The following LMBRD1 variants were observed in gnomAD, a reference collection of about 807,000 sequenced individuals.
LMBRD1 encodes the protein lysosomal cobalamin transport escort protein LMBD1.
LMBRD1 carries 64 observed loss-of-function variants against 74.8 expected under a neutral mutation model. The observed-to-expected ratio is 0.86, with a 90% CI of 0.70 to 1.05. LMBRD1 has a LOEUF of 1.05. Among genes scored for constraint, LMBRD1 ranks in the 50% least tolerant of loss-of-function variants. The pLI is 0.00. For synonymous variants in LMBRD1, 204 were observed against 216.3 expected (o/e 0.94, Z 0.50); for missense variants, 652 against 645.9 (o/e 1.01, Z -0.10).
intron 14 of LMBRD1, among the ~76,000 whole-genome samples, chr6:69,687,241 A>G (rs1765782038): frequency 6.6e-6 from 1 of 152,168 alleles, no homozygotes; most frequent in South Asian, 2.1e-4. Flanking sequence ...CTTTAAAGTC[A>G]TGTCACCTTC....
Position 69,757,038 on chromosome 6 carries a change from A to G in LMBRD1, c.308-4682T>C, listed in dbSNP as rs142388274. ...ATAATGATGTTGAGAGAAATATTAT[A>G]TGCAGTGATCAAAAACTGGAAATGA... On this transcript the variant is annotated intron_variant, in intron 3 of 15. Transcript: ENST00000649934. Among the ~76,000 whole-genome samples the G allele has an allele frequency of 4.7e-3, 723 of 152,332 alleles. 8 individuals carry two copies. The highest frequency in any genetic ancestry group is 0.017 in the Middle Eastern group (5 of 294).
chr6:69,790,654 T>C (rs1357670508), intron 1 of LMBRD1, 182 bp from the exon 2 acceptor site: 4 of 628,708 alleles, frequency 6.4e-6, no homozygotes, highest in Non-Finnish European at 1.1e-5. Flanking sequence ...GCCTACTTCA[T>C]GAATGCAGTA....
At chr6:69,746,580 T>A (rs749940651) in intron 5 of LMBRD1, 1 of 152,884 alleles carries the variant, frequency 6.5e-6, no homozygotes, top group Middle Eastern at 3.4e-3. Context: ...GTGGACCTGA[T>A]GTGCCATCTG....
chr6:69,795,899 G>C (rs1476560774), intron 1 of LMBRD1, among the ~76,000 whole-genome samples: 4 of 152,160 alleles, frequency 2.6e-5, no homozygotes, highest in Admixed American at 2.6e-4. Flanking sequence ...CTGATTTCCA[G>C]AACTGGAGGT....
chr6:69,769,732 T>A (rs1765540156), intron 3 of LMBRD1, among the ~76,000 whole-genome samples: 1 of 116,306 alleles, frequency 8.6e-6, no homozygotes, highest in Non-Finnish European at 1.7e-5. Context: ...TTTTTAACGA[T>A]TTTTTTAGTG....
intron 7 of LMBRD1, among the ~76,000 whole-genome samples, chr6:69,720,923 C>T (rs1198432619): frequency 6.6e-6 from 1 of 152,162 alleles, no homozygotes; most frequent in Non-Finnish European, 1.5e-5. Context: ...AATCTTTTCG[C>T]TTTCAGGAGG....
rs558481645 is a variant in LMBRD1, at chr6:69,715,243, G to A, written c.763-1446C>T. ...AATTTCCCCTAAAATTTCCATTATC[G>A]TATCAAAAGGATACTACAAATGAGG... On this transcript the variant is annotated intron_variant, in intron 8 of 15. Transcript: ENST00000649934. Among the ~76,000 whole-genome samples, 4 of 151,956 alleles carry A rather than the reference G, an allele frequency of 2.6e-5. No homozygotes were observed. In the East Asian group the frequency reaches 5.8e-4, roughly 22 times the overall value.
intron 3 of LMBRD1, among the ~76,000 whole-genome samples, chr6:69,754,258 T>C (rs933030929): frequency 1.3e-5 from 2 of 151,282 alleles, no homozygotes; most frequent in African/African-American, 4.9e-5. Context: ...TACCACTGAA[T>C]AGTACACTTG....
chr6:69,732,423 C>A (rs1314013413), intron 7 of LMBRD1, among the ~76,000 whole-genome samples: 1 of 152,070 alleles, frequency 6.6e-6, no homozygotes, highest in Admixed American at 6.6e-5. Flanking sequence ...TCACCAGACA[C>A]CAGACACCTT....
At chr6:69,697,904 A>G (rs1033906288) in intron 13 of LMBRD1, among the ~76,000 whole-genome samples, 1 of 152,122 alleles carries the variant, frequency 6.6e-6, no homozygotes, top group African/African-American at 2.4e-5. Flanking sequence ...TTTTTAATAC[A>G]AAGTATAGCA....
Position 69,705,543 on chromosome 6 carries a change from T to C in LMBRD1, c.916-3590A>G, listed in dbSNP as rs57751010. The C allele has an allele frequency of 0.032, 41,266 of 1,288,600 alleles. 4,534 individuals are homozygous for C. The African/African-American group carries it at 0.35, about 11-fold the overall frequency. The allele number at this position is 1,288,600 out of a possible 1,614,324, so 79.8% of individuals were successfully genotyped here. On this transcript the variant is annotated intron_variant, in intron 9 of 15. Transcript: ENST00000649934. ...TGATGATGGTTTTGAGTCTTTTCCATTCTGATTTGGCTTTTGTGCATTTTT... is the reference window on the plus strand; with the variant it reads ...TGATGATGGTTTTGAGTCTTTTCCACTCTGATTTGGCTTTTGTGCATTTTT...
chr6:69,700,307 T>C (rs978460303), intron 12 of LMBRD1, among the ~76,000 whole-genome samples: 4 of 151,868 alleles, frequency 2.6e-5, no homozygotes, highest in Non-Finnish European at 5.9e-5. Context: ...AATGATATGG[T>C]AATCTTTACT....
intron 2 of LMBRD1, among the ~76,000 whole-genome samples, chr6:69,787,474 G>C (rs1765979329): frequency 6.6e-6 from 1 of 152,174 alleles, no homozygotes; most frequent in Non-Finnish European, 1.5e-5. Flanking sequence ...GCCAGTCACA[G>C]GGGCTCATGG....
At chr6:69,740,015 A>G (rs948654782) in intron 6 of LMBRD1, among the ~76,000 whole-genome samples, 6 of 152,196 alleles carry the variant, frequency 3.9e-5, no homozygotes, top group Non-Finnish European at 8.8e-5. Flanking sequence ...CTGAGGCAAG[A>G]GAATCGCTTG....
intron 3 of LMBRD1, among the ~76,000 whole-genome samples, chr6:69,770,006 G>A (rs866356305): frequency 9.9e-5 from 15 of 152,082 alleles, no homozygotes; most frequent in Non-Finnish European, 1.8e-4. Context: ...TCCTACACAC[G>A]TGTAGAGCCT....
chr6:69,795,059 T>C (rs1401939317), intron 1 of LMBRD1, among the ~76,000 whole-genome samples: 5 of 152,198 alleles, frequency 3.3e-5, no homozygotes, highest in Non-Finnish European at 7.3e-5. Flanking sequence ...CTACCTATCA[T>C]TGCAGCTGTA....
intron 8 of LMBRD1, 55 bp from the exon 9 acceptor site, chr6:69,713,852 C>T: frequency 1.3e-6 from 2 of 1,592,700 alleles, no homozygotes; most frequent in Non-Finnish European, 1.7e-6. Context: ...AATAAAGTAC[C>T]CAGCAGATTT....
At chr6:69,783,908 A>T (rs1243978828) in intron 2 of LMBRD1, among the ~76,000 whole-genome samples, 1 of 152,236 alleles carries the variant, frequency 6.6e-6, no homozygotes, top group Admixed American at 6.5e-5. Flanking sequence ...TTGAAGCAAA[A>T]GAATCATTGA....
In LMBRD1 at chr6:69,719,069, A is replaced by G. The variant is rs1766557026; in HGVS notation, c.649T>C (p.Ser217Pro). The G allele has an allele frequency of 3.1e-6, 5 of 1,612,960 alleles. No individual in the cohort carries two copies. Among genetic ancestry groups the G allele is most frequent in the African/African-American group, 1.3e-5 (1 of 74,910 alleles). ...AAITYTAYGM[S>P]ALPLNLIKGT... Reference sequence around the variant, plus strand: ...TTTATCAGATTTAAAGGTAACGCAGACATGCCATAGGCCTAAAAGAAAAAC... The same window carrying G: ...TTTATCAGATTTAAAGGTAACGCAGGCATGCCATAGGCCTAAAAGAAAAAC... Residue 217 changes from serine to proline, a missense_variant, in exon 8 of 16, where the codon TCT becomes CCT. By Grantham distance (74) the Ser-to-Pro change is moderately conservative. This residue lies in a region of LMBRD1 where 598 missense variants were observed against 581.8 expected (regional missense o/e 1.03). Coordinates refer to ENST00000649934, the MANE Select transcript of LMBRD1 (RefSeq NM_018368.4).
Sources: gnomAD v4.1 joint callset for allele counts (sites outside exome capture counted in the v4.1 genomes callset) on GRCh38, gnomAD v4.1.1 for gene constraint, gnomAD v4.1.1 regional missense constraint, MANE v1.5 for transcripts, NCBI Gene and HGNC (gene_info 2026-07-23, HGNC 2026-07-21) for gene names.